PLEKHA7: variants seen among roughly 807,000 people sequenced by gnomAD.
PLEKHA7 encodes the protein pleckstrin homology domain containing A7.
Under a neutral mutation model 170.0 loss-of-function variants are expected in PLEKHA7, and 104 were observed. The observed-to-expected ratio is 0.61, with a 90% CI of 0.52 to 0.72. The LOEUF (loss-of-function observed/expected upper bound fraction) is 0.72, where lower values mean the gene tolerates loss of function less well. Ranked by LOEUF, PLEKHA7 falls within the 30% of genes least tolerant of loss-of-function variation. The pLI, the probability that PLEKHA7 is intolerant of heterozygous loss-of-function variation, is 0.00. For synonymous variants in PLEKHA7, 648 were observed against 660.8 expected (o/e 0.98, Z 0.30); for missense variants, 1,615 against 1,671.7 (o/e 0.97, Z 0.59).
intron 3 of PLEKHA7, among the ~76,000 whole-genome samples, chr11:16,885,724 T>TG (rs1856044343): frequency 1.3e-5 from 2 of 151,646 alleles, no homozygotes; most frequent in Admixed American, 1.3e-4. Flanking sequence ...CCAGGCACAG[T>TG]GGCTCACATC....
In PLEKHA7 at chr11:16,801,596, C is replaced by G. The variant is rs937074398; in HGVS notation, c.2307+72G>C. On this transcript the variant is annotated intron_variant, in intron 16 of 26. Coordinates refer to ENST00000531066, the MANE Select transcript of PLEKHA7 (RefSeq NM_001329630.2). ...CCTCTGGACACCAACTCAACTACAT[C>G]TTGGGAGGGGAGAAAAGCAGCCCCT... 1.9e-6 allele frequency: 3 copies of G among 1,578,302 alleles called. No homozygotes were observed. In the Admixed American group the frequency reaches 5.1e-5, roughly 27 times the overall value.
At chr11:16,909,840 A>G (rs139928564) in intron 3 of PLEKHA7, among the ~76,000 whole-genome samples, 2 of 152,336 alleles carry the variant, frequency 1.3e-5, no homozygotes, top group African/African-American at 4.8e-5. Context: ...AGGGAAAATA[A>G]AGTGTCATGG....
intron 3 of PLEKHA7, among the ~76,000 whole-genome samples, chr11:16,908,676 A>G (rs566223168): frequency 6.6e-6 from 1 of 151,958 alleles, no homozygotes; most frequent in South Asian, 2.1e-4. Context: ...TTGTATTTTT[A>G]GTAGAGATGG....
Position 16,777,600 on chromosome 11 carries a change from C to A in PLEKHA7, c.*1398G>T, listed in dbSNP as rs1456079371. ...GAGGTTTTCGTTGTTGTTGTTTTTTCCATTTAAACGTCATTGTTTATATGC... is the reference window on the plus strand; with the variant it reads ...GAGGTTTTCGTTGTTGTTGTTTTTTACATTTAAACGTCATTGTTTATATGC... On this transcript the variant is annotated 3_prime_UTR_variant, in exon 27 of 27. Coordinates refer to ENST00000531066, the MANE Select transcript of PLEKHA7 (RefSeq NM_001329630.2). The A allele has an allele frequency of 6.6e-6, 1 of 152,046 alleles. No individual in the cohort carries two copies. The highest frequency in any genetic ancestry group is 2.4e-5 in the African/African-American group (1 of 41,400). The allele number at this position is 152,046 out of a possible 1,614,324, so 9.4% of individuals were successfully genotyped here.
At chr11:16,911,518 C>T (rs1010531206) in intron 3 of PLEKHA7, among the ~76,000 whole-genome samples, 3 of 152,186 alleles carry the variant, frequency 2.0e-5, no homozygotes, top group Admixed American at 6.5e-5. Context: ...AAGGAACCCA[C>T]GGCCAAATCC....
chr11:16,803,579 A>AT (rs1848750028), intron 13 of PLEKHA7: 1 of 392,682 alleles, frequency 2.5e-6, no homozygotes, highest in African/African-American at 2.0e-5. Flanking sequence ...TTAAAAGTAT[A>AT]TATTTGCCTA....
At chr11:16,889,811 A>T (rs1050494222) in intron 3 of PLEKHA7, among the ~76,000 whole-genome samples, 3 of 152,160 alleles carry the variant, frequency 2.0e-5, no homozygotes, top group Non-Finnish European at 4.4e-5. Context: ...GAACTCCTGG[A>T]AGATGCATTA....
At chr11:16,948,399 T>C (rs532633873) in intron 3 of PLEKHA7, among the ~76,000 whole-genome samples, 1 of 152,268 alleles carries the variant, frequency 6.6e-6, no homozygotes, top group Admixed American at 6.5e-5. Flanking sequence ...CAAAACATCA[T>C]GCTATACACA....
intron 3 of PLEKHA7, among the ~76,000 whole-genome samples, chr11:17,002,898 T>C (rs1864754702): frequency 6.6e-6 from 1 of 150,556 alleles, no homozygotes; most frequent in Non-Finnish European, 1.5e-5. Flanking sequence ...AACACAATTT[T>C]CCCCCACACC....
intron 3 of PLEKHA7, among the ~76,000 whole-genome samples, chr11:16,942,830 C>T (rs2136423950): frequency 6.6e-6 from 1 of 152,336 alleles, no homozygotes; most frequent in South Asian, 2.1e-4. Context: ...TCTTGCCCCT[C>T]CCAGAGAGGT....
chr11:16,790,247 T>C (rs1847748421), intron 21 of PLEKHA7: 1 of 263,690 alleles, frequency 3.8e-6, no homozygotes, highest in Non-Finnish European at 7.4e-6. Flanking sequence ...AGGAGGACAG[T>C]GAGAAGGACA....
chr11:16,873,933 C>G (rs427429), intron 3 of PLEKHA7, among the ~76,000 whole-genome samples: 16,608 of 152,194 alleles, frequency 0.11, 1,119 homozygotes, highest in East Asian at 0.16. Flanking sequence ...TCCCAAAGTG[C>G]TGGGATTACA....
At position 16,878,663 on chromosome 11, in the gene PLEKHA7, G is replaced by A. The variant is rs186263135; in HGVS notation, c.222-7481C>T. Among the ~76,000 whole-genome samples the A allele has an allele frequency of 3.8e-3, 585 of 152,200 alleles. 6 individuals carry two copies. The highest frequency in any genetic ancestry group is 0.014 in the African/African-American group (562 of 41,514). On this transcript the variant is annotated intron_variant, in intron 3 of 26. Transcript: ENST00000531066. ...CAGGCTGGAGTGCAGTGGCACAATC[G>A]CAGCTCACTGCAACTTCCGCCTCCC...
intron 3 of PLEKHA7, among the ~76,000 whole-genome samples, chr11:16,901,225 T>C (rs1339033351): frequency 6.6e-6 from 1 of 152,126 alleles, no homozygotes; most frequent in Non-Finnish European, 1.5e-5. Flanking sequence ...AAAAATAATA[T>C]ATACTCCTTA....
chr11:16,959,549 A>G (rs1283197860), intron 3 of PLEKHA7, among the ~76,000 whole-genome samples: 1 of 152,202 alleles, frequency 6.6e-6, no homozygotes, highest in African/African-American at 2.4e-5. Context: ...GGCCAGGCCC[A>G]TAGTGAATCA....
chr11:16,932,231 A>C (rs1030308499), intron 3 of PLEKHA7, among the ~76,000 whole-genome samples: 2 of 151,836 alleles, frequency 1.3e-5, no homozygotes, highest in African/African-American at 2.4e-5. Flanking sequence ...GTATAATAGC[A>C]TGGGACACAA....
At chr11:16,866,754 C>A (rs1228243884) in intron 4 of PLEKHA7, among the ~76,000 whole-genome samples, 1 of 152,158 alleles carries the variant, frequency 6.6e-6, no homozygotes, top group African/African-American at 2.4e-5. Context: ...ATGACTGATA[C>A]AGGAACAAGA....
intron 3 of PLEKHA7, among the ~76,000 whole-genome samples, chr11:16,940,687 TA>T (rs1406704704): frequency 3.9e-5 from 6 of 152,144 alleles, no homozygotes; most frequent in Admixed American, 3.9e-4. Flanking sequence ...ACATAACCAG[TA>T]AGTGTTCAAA....
chr11:16,991,000 G>A (rs1352475511), intron 3 of PLEKHA7, among the ~76,000 whole-genome samples: 1 of 152,232 alleles, frequency 6.6e-6, no homozygotes, highest in Non-Finnish European at 1.5e-5. Context: ...GGGCAGATGA[G>A]ATAGAAAATG....
Sources: gnomAD v4.1 joint callset for allele counts (sites outside exome capture counted in the v4.1 genomes callset) on GRCh38, gnomAD v4.1.1 for gene constraint, MANE v1.5 for transcripts, NCBI Gene and HGNC (gene_info 2026-07-23, HGNC 2026-07-21) for gene names.